The following DAB1 variants were observed in gnomAD, a reference collection of about 807,000 sequenced individuals.
The protein encoded by DAB1 is disabled homolog 1.
DAB1 carries 15 observed loss-of-function variants against 64.6 expected under a neutral mutation model. The ratio of observed to expected loss-of-function variants is 0.23; its 90% confidence interval spans 0.16 to 0.36. The LOEUF is 0.36. Ranked by LOEUF, DAB1 falls within the 10% of genes least tolerant of loss-of-function variation. DAB1 has a pLI of 1.00. For synonymous variants in DAB1, 235 were observed against 251.9 expected (o/e 0.93, Z 0.64); for missense variants, 596 against 706.7 (o/e 0.84, Z 1.78).
chr1:57,247,356 C>A (rs1668964092), intron 2 of DAB1, among the ~76,000 whole-genome samples: 1 of 152,154 alleles, frequency 6.6e-6, no homozygotes, highest in South Asian at 2.1e-4. Context: ...TCTCTCCCTC[C>A]TGCTCTGCCA....
chr1:57,368,476 C>T (rs888215667), intron 1 of DAB1, among the ~76,000 whole-genome samples: 13 of 152,132 alleles, frequency 8.5e-5, no homozygotes, highest in African/African-American at 2.7e-4. Context: ...CCATAAAAGC[C>T]CCAAGCTCAG....
At chr1:57,355,410 T>G (rs891025556) in intron 1 of DAB1, among the ~76,000 whole-genome samples, 1 of 151,792 alleles carries the variant, frequency 6.6e-6, no homozygotes, top group Non-Finnish European at 1.5e-5. Flanking sequence ...CCGTCCTTCC[T>G]TCCACATTTA....
At chr1:58,064,867 C>A (rs868140902) in intron 5 of DAB1, among the ~76,000 whole-genome samples, 3 of 152,074 alleles carry the variant, frequency 2.0e-5, no homozygotes, top group Middle Eastern at 3.2e-3. Context: ...GGACTACAGG[C>A]GCCCGCCACC....
At chr1:58,236,849 T>G (rs1293389433) in intron 4 of DAB1, among the ~76,000 whole-genome samples, 4 of 152,250 alleles carry the variant, frequency 2.6e-5, no homozygotes, top group Non-Finnish European at 5.9e-5. Context: ...AACTTTACGT[T>G]GCTTTTACAG....
chr1:57,714,925 AAT>A (rs1458910360), intron 6 of DAB1, among the ~76,000 whole-genome samples: 3 of 152,198 alleles, frequency 2.0e-5, no homozygotes, highest in African/African-American at 7.2e-5. Context: ...ATTTGGAAAT[AAT>A]ACAGGATGAA....
intron 6 of DAB1, among the ~76,000 whole-genome samples, chr1:57,733,221 C>T (rs187390863): frequency 2.6e-5 from 4 of 151,974 alleles, no homozygotes; most frequent in Admixed American, 2.6e-4. Context: ...TAACCCCGCA[C>T]CTGATAGCCA....
chr1:57,742,205 A>C (rs2101791721), intron 6 of DAB1, among the ~76,000 whole-genome samples: 1 of 152,330 alleles, frequency 6.6e-6, no homozygotes, highest in African/African-American at 2.4e-5. Flanking sequence ...TTAGCCTAGG[A>C]AAGGCCTTGG....
intron 9 of DAB1, among the ~76,000 whole-genome samples, chr1:57,030,438 G>A (rs1018148426): frequency 1.3e-5 from 2 of 152,174 alleles, no homozygotes; most frequent in Non-Finnish European, 2.9e-5. Flanking sequence ...GGAGCCATGT[G>A]ACCAAAAAGA....
At chr1:58,293,786 G>T (rs1661903823) in intron 4 of DAB1, among the ~76,000 whole-genome samples, 1 of 152,168 alleles carries the variant, frequency 6.6e-6, no homozygotes, top group South Asian at 2.1e-4. Context: ...CTTCCAAAGT[G>T]GTCAGTCTTA....
rs1644531306 is a variant in DAB1, at chr1:57,521,878, G to A, written n.625+127714C>T. The stretch of plus-strand genomic sequence containing the variant: ...TAATCCCAGCACTTTGGGTGGCTGA[G>A]GCGGGCGGATCACTTAAGGCCAGGA... On this transcript the variant is annotated intron_variant and non_coding_transcript_variant, in intron 7 of 20. Transcript: ENST00000485760. Among the ~76,000 whole-genome samples, 2 of 152,188 alleles carry A rather than the reference G, an allele frequency of 1.3e-5. 1 individual carries two copies. Among genetic ancestry groups the A allele is most frequent in the South Asian group, 4.1e-4 (2 of 4,828 alleles).
chr1:58,292,453 C>T (rs1214663787), intron 4 of DAB1, among the ~76,000 whole-genome samples: 1 of 152,106 alleles, frequency 6.6e-6, no homozygotes, highest in Non-Finnish European at 1.5e-5. Context: ...TTCTTCAATT[C>T]CATTCAATAC....
At chr1:57,700,699 A>G (rs561810335) in intron 6 of DAB1, among the ~76,000 whole-genome samples, 7 of 152,084 alleles carry the variant, frequency 4.6e-5, no homozygotes, top group Non-Finnish European at 1.0e-4. Flanking sequence ...GTGATCTCTG[A>G]CTTTTCTATG....
chr1:57,493,903 C>A (rs1322870982), intron 7 of DAB1, among the ~76,000 whole-genome samples: 1 of 152,066 alleles, frequency 6.6e-6, no homozygotes, highest in Non-Finnish European at 1.5e-5. Context: ...CCATTGGCAA[C>A]AACCCGATCT....
In DAB1 at chr1:58,164,941, T is replaced by TA. The variant is rs567408137; in HGVS notation, n.310-14354dup. ...AGATGTATTTCATTTGGCTAACATTTAAAAAAATGTTAGCAATATTTTAAA... is the reference window on the plus strand; with the variant it reads ...AGATGTATTTCATTTGGCTAACATTTAAAAAAAATGTTAGCAATATTTTAAA... On this transcript the variant is annotated intron_variant and non_coding_transcript_variant, in intron 4 of 20. Transcript: ENST00000485760. Among the ~76,000 whole-genome samples, 6 of 152,234 alleles carry TA rather than the reference T, an allele frequency of 3.9e-5. No individual in the cohort carries two copies. In the South Asian group the frequency reaches 8.3e-4, roughly 21 times the overall value.
At position 57,287,068 on chromosome 1, in the gene DAB1, A is replaced by ATGTTT. The variant is rs76837055; in HGVS notation, c.67+3891_67+3895dup. ...ATACATAAAGGGGAACTAACAAGGT[A>ATGTTT]TGTTTTGTTTTGTTTTGTTTTGTGA... On this transcript the variant is annotated intron_variant, in intron 2 of 14. Coordinates refer to ENST00000371236, the MANE Select transcript of DAB1 (RefSeq NM_001365792.1). Among the ~76,000 whole-genome samples, 1,228 of 152,252 alleles carry ATGTTT rather than the reference A, an allele frequency of 8.1e-3. 31 individuals are homozygous for ATGTTT. Among genetic ancestry groups the ATGTTT allele is most frequent in the East Asian group, 0.079 (408 of 5,168 alleles).
In DAB1 at chr1:57,186,512, A is replaced by G. The variant is rs1258565568; in HGVS notation, c.68-41083T>C. ...ACAGGTTCCATTTTCCATTGAAACA[A>G]TGGAATGTTACATGGCTAATAATAA... On this transcript the variant is annotated intron_variant, in intron 2 of 14. Coordinates refer to ENST00000371236, the MANE Select transcript of DAB1 (RefSeq NM_001365792.1). 2.0e-5 allele frequency among the ~76,000 whole-genome samples: 3 copies of G among 152,238 alleles called. No homozygotes were observed. The East Asian group carries it at 5.8e-4, about 29-fold the overall frequency.
At chr1:58,486,994 A>G (rs1475646686) in intron 3 of DAB1, among the ~76,000 whole-genome samples, 1 of 152,234 alleles carries the variant, frequency 6.6e-6, no homozygotes, top group African/African-American at 2.4e-5. Context: ...TCTAAGTTAG[A>G]TGAGAAGCCA....
chr1:57,631,574 TA>T (rs34769169), intron 7 of DAB1, among the ~76,000 whole-genome samples: 9,338 of 152,310 alleles, frequency 0.061, 403 homozygotes, highest in Non-Finnish European at 0.089. Context: ...TTACATTTTG[TA>T]AAATGTCCCT....
chr1:57,965,177 C>A (rs1645632893), intron 5 of DAB1, among the ~76,000 whole-genome samples: 1 of 150,372 alleles, frequency 6.7e-6, no homozygotes, highest in Non-Finnish European at 1.5e-5. Context: ...GCTAGAAAGA[C>A]AAAGTCAGAT....
Sources: allele counts gnomAD v4.1 joint callset (sites outside exome capture counted in the v4.1 genomes callset), GRCh38; gene constraint gnomAD v4.1.1; transcripts MANE v1.5; gene names NCBI Gene and HGNC (gene_info 2026-07-23, HGNC 2026-07-21).